Variants in PDE4D observed in about 807,000 individuals in gnomAD.
The protein encoded by PDE4D is 3',5'-cyclic-AMP phosphodiesterase 4D.
Under a neutral mutation model 87.4 loss-of-function variants are expected in PDE4D, and 24 were observed. The ratio of observed to expected loss-of-function variants is 0.27; its 90% CI spans 0.20 to 0.39. PDE4D has a LOEUF of 0.39. PDE4D is among the 10% of genes least tolerant of loss of function. The pLI, the probability that PDE4D is intolerant of heterozygous loss-of-function variation, is 1.00. For synonymous variants in PDE4D, 384 were observed against 383.2 expected (o/e 1.00, Z -0.02); for missense variants, 714 against 1,041.0 (o/e 0.69, Z 4.32).
At chr5:59,295,726 T>C (rs1768937212) in intron 1 of PDE4D, among the ~76,000 whole-genome samples, 1 of 152,008 alleles carries the variant, frequency 6.6e-6, no homozygotes, top group African/African-American at 2.4e-5. Flanking sequence ...TCTTTAATGA[T>C]CTGTTAAAAT....
At position 59,255,342 on chromosome 5, in the gene PDE4D, A is replaced by C. The variant is rs77549919; in HGVS notation, c.456-39374T>G. Reference sequence around the variant, plus strand: ...TATTATATAATTCCATTTATATGAAACATTCAGAGTAGGCAAATTATAGAG... The same window carrying C: ...TATTATATAATTCCATTTATATGAACCATTCAGAGTAGGCAAATTATAGAG... On this transcript the variant is annotated intron_variant, in intron 1 of 14. Coordinates refer to ENST00000340635, the MANE Select transcript of PDE4D (RefSeq NM_001104631.2). 3.9e-3 allele frequency among the ~76,000 whole-genome samples: 589 copies of C among 152,242 alleles called. 5 individuals carry two copies. Among genetic ancestry groups the C allele is most frequent in the African/African-American group, 0.013 (560 of 41,556 alleles).
intron 2 of PDE4D, among the ~76,000 whole-genome samples, chr5:60,013,155 T>C (rs1313149125): frequency 6.6e-6 from 1 of 152,154 alleles, no homozygotes; most frequent in Non-Finnish European, 1.5e-5. Flanking sequence ...AATCCTGACT[T>C]ATTTTCTGGT....
intron 1 of PDE4D, among the ~76,000 whole-genome samples, chr5:59,404,140 T>C (rs1791185224): frequency 1.3e-5 from 2 of 152,250 alleles, no homozygotes; most frequent in African/African-American, 4.8e-5. Flanking sequence ...TGCCCATTTT[T>C]AATTGGATTA....
At chr5:59,718,355 T>A (rs1755328803) in intron 1 of PDE4D, among the ~76,000 whole-genome samples, 1 of 152,190 alleles carries the variant, frequency 6.6e-6, no homozygotes. Context: ...AGAAAACTCA[T>A]TTCTCTTTTC....
chr5:59,719,345 T>C (rs1048598708), intron 1 of PDE4D, among the ~76,000 whole-genome samples: 1 of 152,170 alleles, frequency 6.6e-6, no homozygotes, highest in Non-Finnish European at 1.5e-5. Context: ...CCTCATTATA[T>C]AGTATTTCCA....
At chr5:59,065,793 G>A (rs558235278) in intron 5 of PDE4D, among the ~76,000 whole-genome samples, 18 of 152,206 alleles carry the variant, frequency 1.2e-4, no homozygotes, top group African/African-American at 4.1e-4. Context: ...AAGTTATTGA[G>A]ACATTTCAAC....
chr5:59,498,833 G>C (rs1476478435), intron 1 of PDE4D, among the ~76,000 whole-genome samples: 2 of 151,984 alleles, frequency 1.3e-5, no homozygotes, highest in East Asian at 3.9e-4. Flanking sequence ...ATAATAGTGG[G>C]GAACTTCAGC....
At chr5:59,703,244 A>C (rs577141095) in intron 1 of PDE4D, among the ~76,000 whole-genome samples, 2 of 152,336 alleles carry the variant, frequency 1.3e-5, no homozygotes, top group African/African-American at 4.8e-5. Context: ...ATAAACTACA[A>C]AGAATTGTCT....
chr5:58,980,540 T>C (rs1296234582), intron 11 of PDE4D, among the ~76,000 whole-genome samples: 1 of 151,582 alleles, frequency 6.6e-6, no homozygotes, highest in East Asian at 1.9e-4. Flanking sequence ...CTCAAAGCCA[T>C]CATTTTATTA....
intron 1 of PDE4D, among the ~76,000 whole-genome samples, chr5:59,581,369 A>T (rs545975477): frequency 3.9e-4 from 59 of 152,198 alleles, no homozygotes; most frequent in Non-Finnish European, 7.9e-4. Flanking sequence ...CCTCAACATT[A>T]GTGTAAGTAA....
At chr5:60,289,692 T>C (rs987983560) in intron 1 of PDE4D, among the ~76,000 whole-genome samples, 1 of 152,174 alleles carries the variant, frequency 6.6e-6, no homozygotes. Flanking sequence ...AATGTAGCAA[T>C]TATGGCAAGA....
intron 1 of PDE4D, among the ~76,000 whole-genome samples, chr5:59,216,379 C>G (rs1049056303): frequency 9.2e-5 from 14 of 152,130 alleles, no homozygotes; most frequent in African/African-American, 3.4e-4. Context: ...CTTCTCCCTC[C>G]ACACTCCTAC....
At chr5:59,156,309 GAAAA>G (rs138297866) in intron 5 of PDE4D, among the ~76,000 whole-genome samples, 29 of 52,844 alleles carry the variant, frequency 5.5e-4, no homozygotes, top group South Asian at 9.3e-4. Flanking sequence ...AGACTTGCCA[GAAAA>G]AAAAAAAATA....
At chr5:59,791,632 T>G (rs1299065901) in intron 1 of PDE4D, among the ~76,000 whole-genome samples, 1 of 152,194 alleles carries the variant, frequency 6.6e-6, no homozygotes, top group Non-Finnish European at 1.5e-5. Flanking sequence ...ATTTGTAGAG[T>G]ACCTTCTCAA....
At chr5:59,639,873 C>T (rs1013788053) in intron 1 of PDE4D, among the ~76,000 whole-genome samples, 2 of 147,664 alleles carry the variant, frequency 1.4e-5, no homozygotes, top group Non-Finnish European at 3.0e-5. Context: ...ATGGGGATTA[C>T]ACAGGAAGTT....
chr5:60,046,228 A>C (rs1369202585), intron 2 of PDE4D, among the ~76,000 whole-genome samples: 8 of 151,896 alleles, frequency 5.3e-5, no homozygotes, highest in East Asian at 1.9e-4. Context: ...TATCCTGAGA[A>C]TTTGCTGAAG....
intron 2 of PDE4D, among the ~76,000 whole-genome samples, chr5:60,119,768 G>T (rs1195581845): frequency 1.3e-5 from 2 of 152,136 alleles, no homozygotes; most frequent in African/African-American, 4.8e-5. Flanking sequence ...ACATAAGTGG[G>T]TATGAGAAAT....
At chr5:59,345,777 A>C (rs2153583942) in intron 1 of PDE4D, among the ~76,000 whole-genome samples, 1 of 152,346 alleles carries the variant, frequency 6.6e-6, no homozygotes, top group Non-Finnish European at 1.5e-5. Flanking sequence ...GGCAACCAGT[A>C]TAGAAACACA....
At chr5:59,342,873 A>G (rs557935924) in intron 1 of PDE4D, among the ~76,000 whole-genome samples, 2 of 152,248 alleles carry the variant, frequency 1.3e-5, no homozygotes, top group African/African-American at 2.4e-5. Flanking sequence ...ATACGTACAC[A>G]TTACGGAAGA....
Sources: gnomAD v4.1 joint callset for allele counts (sites outside exome capture counted in the v4.1 genomes callset) on GRCh38, gnomAD v4.1.1 for gene constraint, MANE v1.5 for transcripts, NCBI Gene and HGNC (gene_info 2026-07-23, HGNC 2026-07-21) for gene names.